Variants in PPM1H observed in about 807,000 individuals in gnomAD.
PPM1H encodes the protein protein phosphatase 1H.
PPM1H carries 27 observed loss-of-function variants against 54.9 expected under a neutral mutation model. That is an observed-to-expected ratio of 0.49 (90% CI 0.36 to 0.68). The LOEUF (loss-of-function observed/expected upper bound fraction) is 0.68. Among genes scored for constraint, PPM1H ranks in the 30% least tolerant of loss-of-function variants. PPM1H has a pLI of 0.00. For missense variants in PPM1H, 596 were observed against 667.8 expected (o/e 0.89, Z 1.19); for synonymous variants, 305 against 270.8 (o/e 1.13, Z -1.24).
intron 1 of PPM1H, among the ~76,000 whole-genome samples, chr12:62,863,324 T>G (rs1352541569): frequency 6.6e-6 from 1 of 152,192 alleles, no homozygotes; most frequent in Non-Finnish European, 1.5e-5. Context: ...CGACTGTGCC[T>G]GGCCCAGAGC....
intron 4 of PPM1H, among the ~76,000 whole-genome samples, chr12:62,756,975 A>T (rs1268373877): frequency 6.6e-6 from 1 of 152,190 alleles, no homozygotes; most frequent in East Asian, 1.9e-4. Context: ...AGAGTTCACA[A>T]GGGACACTCA....
intron 6 of PPM1H, among the ~76,000 whole-genome samples, chr12:62,695,811 C>T (rs2136643440): frequency 6.6e-6 from 1 of 152,204 alleles, no homozygotes; most frequent in East Asian, 1.9e-4. Context: ...CAACAGACTA[C>T]ATGGCTCAAG....
intron 3 of PPM1H, among the ~76,000 whole-genome samples, chr12:62,790,023 G>A (rs1329855258): frequency 6.6e-6 from 1 of 152,246 alleles, no homozygotes; most frequent in Non-Finnish European, 1.5e-5. Context: ...ATTACAGGAA[G>A]AGGAAGAAAC....
At chr12:62,759,172 T>C (rs2076492242) in intron 4 of PPM1H, among the ~76,000 whole-genome samples, 1 of 152,238 alleles carries the variant, frequency 6.6e-6, no homozygotes, top group South Asian at 2.1e-4. Context: ...AAAGCCTGTT[T>C]GGTGGTCTCT....
chr12:62,800,280 G>A (rs984658059), intron 3 of PPM1H, among the ~76,000 whole-genome samples: 1 of 151,734 alleles, frequency 6.6e-6, no homozygotes, highest in Non-Finnish European at 1.5e-5. Context: ...GCTTCTAGCT[G>A]TTTTGACTTC....
At chr12:62,789,213 C>T (rs2076690460) in intron 3 of PPM1H, among the ~76,000 whole-genome samples, 1 of 152,134 alleles carries the variant, frequency 6.6e-6, no homozygotes, top group Non-Finnish European at 1.5e-5. Context: ...CAGGGTCTCA[C>T]TATGTTGCCC....
chr12:62,661,366 ATTTG>A (rs1179548953), intron 9 of PPM1H, among the ~76,000 whole-genome samples: 5 of 152,130 alleles, frequency 3.3e-5, no homozygotes, highest in Admixed American at 2.0e-4. Flanking sequence ...AATGGGAGTT[ATTTG>A]TTAAGAAGAA....
At chr12:62,818,742 T>C (rs1160518058) in intron 2 of PPM1H, among the ~76,000 whole-genome samples, 1 of 152,134 alleles carries the variant, frequency 6.6e-6, no homozygotes, top group Non-Finnish European at 1.5e-5. Context: ...TCCACCTTCA[T>C]TTGTCATTGA....
At chr12:62,778,933 A>G (rs192395683) in intron 4 of PPM1H, among the ~76,000 whole-genome samples, 1 of 152,192 alleles carries the variant, frequency 6.6e-6, no homozygotes, top group East Asian at 1.9e-4. Flanking sequence ...CTGTCTCGAA[A>G]GGAAAGGAAA....
intron 7 of PPM1H, among the ~76,000 whole-genome samples, chr12:62,691,529 A>G (rs1431738274): frequency 2.6e-5 from 4 of 152,160 alleles, no homozygotes; most frequent in Non-Finnish European, 5.9e-5. Context: ...GAGGGGATAA[A>G]GACACGAGAC....
intron 1 of PPM1H, among the ~76,000 whole-genome samples, chr12:62,905,115 T>C (rs1421809749): frequency 2.0e-5 from 3 of 152,204 alleles, no homozygotes. Context: ...AAGATAACAG[T>C]ACCCATCTCA....
intron 2 of PPM1H, among the ~76,000 whole-genome samples, chr12:62,821,115 C>T (rs1189637745): frequency 2.6e-5 from 4 of 152,180 alleles, no homozygotes; most frequent in South Asian, 2.1e-4. Context: ...AAGAGAACTA[C>T]GTAACGCATG....
chr12:62,852,622 C>T (rs1869238131), intron 1 of PPM1H, among the ~76,000 whole-genome samples: 1 of 152,212 alleles, frequency 6.6e-6, no homozygotes, highest in African/African-American at 2.4e-5. Context: ...TCTGCAATGA[C>T]ATAATTGGTT....
chr12:62,795,907 T>G (rs540484230), intron 3 of PPM1H, among the ~76,000 whole-genome samples: 1 of 152,036 alleles, frequency 6.6e-6, no homozygotes, highest in East Asian at 1.9e-4. Flanking sequence ...TTTAATAATT[T>G]TAGTAGAGAC....
intron 4 of PPM1H, among the ~76,000 whole-genome samples, chr12:62,757,689 T>C (rs895173098): frequency 6.6e-6 from 1 of 152,214 alleles, no homozygotes; most frequent in African/African-American, 2.4e-5. Flanking sequence ...CTTCCTACCA[T>C]AACACCACTC....
intron 5 of PPM1H, among the ~76,000 whole-genome samples, chr12:62,728,072 A>C (rs1388730526): frequency 2.0e-5 from 3 of 152,196 alleles, no homozygotes; most frequent in African/African-American, 7.2e-5. Flanking sequence ...AGGAAACATA[A>C]CAGAATGCTA....
intron 3 of PPM1H, among the ~76,000 whole-genome samples, chr12:62,791,205 G>A (rs1046080420): frequency 7.2e-5 from 11 of 152,168 alleles, no homozygotes; most frequent in Non-Finnish European, 5.9e-5. Context: ...AGAAACCCAT[G>A]CTTCAATTAA....
At chr12:62,730,465 T>C (rs1289515734) in intron 5 of PPM1H, among the ~76,000 whole-genome samples, 1 of 152,156 alleles carries the variant, frequency 6.6e-6, no homozygotes, top group Non-Finnish European at 1.5e-5. Context: ...AAAATAAGAA[T>C]ACTCATGTGT....
chr12:62,771,295 G>GAGAC (rs1293617610), intron 4 of PPM1H, among the ~76,000 whole-genome samples: 1 of 131,876 alleles, frequency 7.6e-6, no homozygotes, highest in Non-Finnish European at 1.6e-5. Context: ...ACTTTGTGAA[G>GAGAC]ACACACACAC....
Sources: allele counts gnomAD v4.1 joint callset (sites outside exome capture counted in the v4.1 genomes callset), GRCh38; gene constraint gnomAD v4.1.1; transcripts MANE v1.5; gene names NCBI Gene and HGNC (gene_info 2026-07-23, HGNC 2026-07-21).